The following LARGE1 variants were observed in gnomAD, a reference collection of about 807,000 sequenced individuals.
LARGE1 encodes LARGE xylosyl- and glucuronyltransferase 1, also known as xylosyl- and glucuronyltransferase LARGE1.
In LARGE1, 43 loss-of-function variants were observed where a neutral mutation model predicts 87.6. The ratio of observed to expected loss-of-function variants is 0.49; its 90% CI spans 0.38 to 0.63. The LOEUF is 0.63. Ranked by LOEUF, LARGE1 falls within the 30% of genes least tolerant of loss-of-function variation. LARGE1 has a pLI of 0.00. For synonymous variants in LARGE1, 434 were observed against 394.6 expected (o/e 1.10, Z -1.18); for missense variants, 802 against 1,000.2 (o/e 0.80, Z 2.67).
intron 6 of LARGE1, among the ~76,000 whole-genome samples, chr22:33,563,499 T>C (rs1190389894): frequency 1.3e-5 from 2 of 152,126 alleles, no homozygotes; most frequent in African/African-American, 2.4e-5. Context: ...CATGTAATTA[T>C]AGAAAAACTG....
intron 7 of LARGE1, among the ~76,000 whole-genome samples, chr22:33,415,718 T>A (rs2066463483): frequency 6.6e-6 from 1 of 152,098 alleles, no homozygotes; most frequent in South Asian, 2.1e-4. Context: ...GGCCTGTGGA[T>A]GGGAGCTTCT....
chr22:33,194,417 G>A (rs1923957210), intron 11 of LARGE1, among the ~76,000 whole-genome samples: 1 of 151,922 alleles, frequency 6.6e-6, no homozygotes, highest in South Asian at 2.1e-4. Context: ...CATTTGCCAA[G>A]TTTTTTTTAG....
the LARGE1 span, among the ~76,000 whole-genome samples, chr22:33,154,842 A>G: frequency 6.6e-6 from 1 of 152,208 alleles, no homozygotes; most frequent in Non-Finnish European, 1.5e-5. Flanking sequence ...CACAGTTCCC[A>G]TGTGTCATGG....
intron 11 of LARGE1, among the ~76,000 whole-genome samples, chr22:33,227,168 A>G (rs1370166927): frequency 6.6e-6 from 1 of 152,144 alleles, no homozygotes; most frequent in Non-Finnish European, 1.5e-5. Flanking sequence ...GTCTATTTTT[A>G]TGCCCATTTG....
intron 2 of LARGE1, among the ~76,000 whole-genome samples, chr22:33,713,972 G>GTAACGTAACA (rs1426662781): frequency 1.7e-3 from 199 of 119,758 alleles, no homozygotes; most frequent in East Asian, 8.0e-3. Flanking sequence ...AGTAAATAAC[G>GTAACGTAACA]TAACATAACG....
intron 12 of LARGE1, among the ~76,000 whole-genome samples, chr22:33,287,034 G>C (rs1358489357): frequency 6.6e-6 from 1 of 152,114 alleles, no homozygotes; most frequent in African/African-American, 2.4e-5. Flanking sequence ...ATAGAGACTG[G>C]GAAAGCACAG....
rs2065913325 is a variant in LARGE1, at chr22:33,920,446, C to G, written c.-534G>C. On this transcript the variant is annotated 5_prime_UTR_variant, in exon 1 of 15. Coordinates refer to ENST00000397394, the MANE Select transcript of LARGE1 (RefSeq NM_133642.5). ...GCGCCCCCAGCTTCGGGCGCCCGGG[C>G]TCCGGCGCGGCGGCGGGGCAGGAGC... is the stretch of plus-strand genomic sequence containing the variant. 1 of 146,968 alleles carries G rather than the reference C, an allele frequency of 6.8e-6. No homozygotes were observed. The highest frequency in any genetic ancestry group is 2.5e-5 in the African/African-American group (1 of 40,522). 9.1% of individuals were successfully genotyped at this position (146,968 alleles called of 1,614,324 possible).
rs1163239837 is a variant in LARGE1, at chr22:33,286,710, T to C, written c.1731-3362A>G. 2.0e-5 allele frequency among the ~76,000 whole-genome samples: 3 copies of C among 152,248 alleles called. No individual in the cohort carries two copies. The East Asian group carries it at 5.8e-4, about 29-fold the overall frequency. On this transcript the variant is annotated intron_variant, in intron 12 of 14. Coordinates refer to ENST00000397394, the MANE Select transcript of LARGE1 (RefSeq NM_133642.5). ...TGCGAGGGCAGAACTATAAAGGGAA[T>C]GGGCAAGATATAAAGACACATACAC... is the stretch of plus-strand genomic sequence containing the variant.
At chr22:33,545,299 T>C (rs9680562) in intron 6 of LARGE1, among the ~76,000 whole-genome samples, 26,613 of 147,870 alleles carry the variant, frequency 0.18, 3,395 homozygotes, top group African/African-American at 0.35. Flanking sequence ...CAGGGTCTCA[T>C]TCTGTTGCCT....
intron 11 of LARGE1, chr22:33,305,558 C>T: frequency 2.0e-6 from 2 of 983,948 alleles, no homozygotes; most frequent in Non-Finnish European, 2.4e-6. Context: ...AATCAGCAGT[C>T]TCCTGGTCAG....
At chr22:33,106,025 G>A in the LARGE1 span, 1 of 152,284 alleles carries the variant, frequency 6.6e-6, no homozygotes, top group East Asian at 1.9e-4. Flanking sequence ...TAAGCCAGAT[G>A]ATGTCTGAGT....
intron 2 of LARGE1, chr22:33,746,439 CGGAGA>C (rs1304344814): frequency 3.4e-4 from 52 of 152,140 alleles, no homozygotes; most frequent in Admixed American, 1.4e-3. Flanking sequence ...ACTAAGGATT[CGGAGA>C]TGACTACGGA....
chr22:33,658,984 A>G (rs1297582186), intron 2 of LARGE1, among the ~76,000 whole-genome samples: 1 of 152,182 alleles, frequency 6.6e-6, no homozygotes, highest in Non-Finnish European at 1.5e-5. Context: ...GTATTCTCTC[A>G]GCAGCTTCCA....
chr22:33,839,060 T>C (rs780007235), intron 1 of LARGE1, among the ~76,000 whole-genome samples: 5 of 152,234 alleles, frequency 3.3e-5, no homozygotes, highest in Non-Finnish European at 5.9e-5. Flanking sequence ...TAGTTCATTT[T>C]TGCATCGCTA....
chr22:33,497,235 C>T (rs2070182037), intron 6 of LARGE1, among the ~76,000 whole-genome samples: 1 of 152,102 alleles, frequency 6.6e-6, no homozygotes, highest in South Asian at 2.1e-4. Flanking sequence ...GCCACTATGC[C>T]TGGCTCATTT....
intron 6 of LARGE1, among the ~76,000 whole-genome samples, chr22:33,543,036 T>C (rs1448958930): frequency 2.0e-5 from 3 of 152,174 alleles, no homozygotes; most frequent in African/African-American, 7.2e-5. Context: ...TGCATGTAAG[T>C]AAAGCTACAA....
intron 9 of LARGE1, among the ~76,000 whole-genome samples, chr22:33,342,807 G>A (rs1011701235): frequency 1.3e-5 from 2 of 152,100 alleles, no homozygotes; most frequent in African/African-American, 2.4e-5. Flanking sequence ...AGTGGATGGC[G>A]AGGTCTTAGG....
chr22:33,594,987 C>A (rs376342484), intron 5 of LARGE1, among the ~76,000 whole-genome samples: 1 of 152,112 alleles, frequency 6.6e-6, no homozygotes, highest in Non-Finnish European at 1.5e-5. Context: ...CTCACAAGAA[C>A]GAGATTCTGG....
intron 5 of LARGE1, among the ~76,000 whole-genome samples, chr22:33,585,930 C>G (rs2078659539): frequency 6.6e-6 from 1 of 152,206 alleles, no homozygotes; most frequent in Admixed American, 6.5e-5. Flanking sequence ...AACTCCCGAC[C>G]TCAAACGATC....
Sources: gnomAD v4.1 joint callset for allele counts (sites outside exome capture counted in the v4.1 genomes callset) on GRCh38, gnomAD v4.1.1 for gene constraint, MANE v1.5 for transcripts, NCBI Gene and HGNC (gene_info 2026-07-23, HGNC 2026-07-21) for gene names.